The following RORA variants were observed in gnomAD, a reference collection of about 807,000 sequenced individuals.
The protein encoded by RORA is RAR related orphan receptor A, also known as nuclear receptor ROR-alpha.
In RORA, 7 loss-of-function variants were observed where a neutral mutation model predicts 69.5. The ratio of observed to expected loss-of-function variants is 0.10; its 90% confidence interval spans 0.06 to 0.19. RORA has a LOEUF of 0.19. Ranked by LOEUF, RORA falls within the 10% of genes least tolerant of loss-of-function variation. RORA has a pLI of 1.00. For missense variants in RORA, 457 were observed against 663.0 expected (o/e 0.69, Z 3.41); for synonymous variants, 261 against 240.8 (o/e 1.08, Z -0.78).
chr15:60,666,178 T>C (rs904478830), intron 2 of RORA, among the ~76,000 whole-genome samples: 1 of 151,512 alleles, frequency 6.6e-6, no homozygotes, highest in African/African-American at 2.4e-5. Context: ...TTTTTTTTTT[T>C]TTTTTTTGAA....
At chr15:60,861,610 T>C (rs1054061224) in intron 1 of RORA, among the ~76,000 whole-genome samples, 3 of 152,206 alleles carry the variant, frequency 2.0e-5, no homozygotes, top group African/African-American at 7.2e-5. Context: ...TGCCTTAGCC[T>C]CACGAGTACC....
chr15:61,138,314 TA>T (rs1293570845), intron 1 of RORA, among the ~76,000 whole-genome samples: 3 of 152,108 alleles, frequency 2.0e-5, no homozygotes, highest in Non-Finnish European at 4.4e-5. Context: ...AAGAAGTACT[TA>T]AAAAAAGTGA....
chr15:60,645,982 G>A (rs1299670564), intron 2 of RORA, among the ~76,000 whole-genome samples: 2 of 152,170 alleles, frequency 1.3e-5, no homozygotes, highest in African/African-American at 4.8e-5. Context: ...ATGTGAGCAT[G>A]AAAACACAAC....
chr15:61,163,179 G>A (rs1418377683), intron 1 of RORA, among the ~76,000 whole-genome samples: 1 of 152,070 alleles, frequency 6.6e-6, no homozygotes, highest in Admixed American at 6.6e-5. Flanking sequence ...ATCTGTGTGT[G>A]GATACATTTG....
chr15:60,827,970 T>C (rs147074855), intron 1 of RORA, among the ~76,000 whole-genome samples: 87 of 152,302 alleles, frequency 5.7e-4, no homozygotes, highest in African/African-American at 2.0e-3. Flanking sequence ...GGTGCTCAAT[T>C]AGTACTGGAT....
At chr15:60,612,749 A>G (rs1225722736) in intron 2 of RORA, among the ~76,000 whole-genome samples, 1 of 137,128 alleles carries the variant, frequency 7.3e-6, no homozygotes, top group African/African-American at 2.7e-5. Context: ...AAATTAGTTT[A>G]TATTTTAAGG....
intron 1 of RORA, among the ~76,000 whole-genome samples, chr15:60,769,758 T>A (rs1428546617): frequency 6.6e-6 from 1 of 152,200 alleles, no homozygotes; most frequent in Non-Finnish European, 1.5e-5. Flanking sequence ...TCCTGAATGT[T>A]CTCTGACCAG....
chr15:61,097,929 A>G (rs2078815062), intron 1 of RORA, among the ~76,000 whole-genome samples: 1 of 152,224 alleles, frequency 6.6e-6, no homozygotes, highest in Admixed American at 6.5e-5. Flanking sequence ...TCTTCTCAGT[A>G]GTCAGAGTCA....
intron 3 of RORA, among the ~76,000 whole-genome samples, chr15:60,523,588 C>A (rs533345934): frequency 6.6e-6 from 1 of 152,180 alleles, no homozygotes. Flanking sequence ...CTCTCCATCA[C>A]GTTGTTTCAA....
rs372353847 is a variant in RORA, at chr15:60,684,097, C to CT, written c.167-5412dup. Among the ~76,000 whole-genome samples the CT allele has an allele frequency of 2.4e-4, 35 of 146,940 alleles. 1 individual carries two copies. The highest frequency in any genetic ancestry group is 4.7e-4 in the African/African-American group (19 of 40,142). ...TATCCAGTTAATTTTACTTTTTTTT[C>CT]TTTTTTTTTTAGTAAGAGGTGGCAT... On this transcript the variant is annotated intron_variant, in intron 1 of 10. Coordinates refer to ENST00000335670, the MANE Select transcript of RORA (RefSeq NM_134261.3).
chr15:61,180,762 A>C (rs929442767), intron 1 of RORA, among the ~76,000 whole-genome samples: 3 of 152,146 alleles, frequency 2.0e-5, no homozygotes, highest in Non-Finnish European at 4.4e-5. Flanking sequence ...TTTGAGTTCC[A>C]GCACCTAGCA....
chr15:60,850,308 C>T (rs976820175), intron 1 of RORA, among the ~76,000 whole-genome samples: 4 of 152,152 alleles, frequency 2.6e-5, no homozygotes, highest in African/African-American at 9.7e-5. Flanking sequence ...TGAAATTCCC[C>T]TCCTCATCCA....
rs570576831 is a variant in RORA, at chr15:61,000,497, A to G, written c.166+228556T>C. Among the ~76,000 whole-genome samples, 115 of 152,230 alleles carry G rather than the reference A, an allele frequency of 7.6e-4. 1 individual carries two copies. The highest frequency in any genetic ancestry group is 2.7e-3 in the African/African-American group (111 of 41,542). ...GGATCACAGGTTCAAAGGCAAGGAG[A>G]TCCTTGTCCAGGGAGCATGCCTGGG... On this transcript the variant is annotated intron_variant, in intron 1 of 10. Transcript: ENST00000335670.
chr15:61,225,873 C>T (rs1477250874), intron 1 of RORA, among the ~76,000 whole-genome samples: 1 of 152,150 alleles, frequency 6.6e-6, no homozygotes, highest in East Asian at 1.9e-4. Flanking sequence ...TTGTCGCTTC[C>T]TGCCTTTCTT....
Position 60,491,032 on chromosome 15 carries a change from G to A in RORA, c.*6423C>T, listed in dbSNP as rs938052480. The A allele has an allele frequency of 3.3e-5, 5 of 152,164 alleles. No homozygotes were observed. The highest frequency in any genetic ancestry group is 7.4e-5 in the Non-Finnish European group (5 of 68,022). 9.4% of individuals were successfully genotyped at this position (152,164 alleles called of 1,614,324 possible). A position where few individuals can be genotyped will look rare whatever the true frequency, so the allele number is the denominator to read the frequency against. ...AGAAGCAGCCAGCTAATGTCCTAATGTTTAAAAATTTACCACTGTTTAATA... is the reference window on the plus strand; with the variant it reads ...AGAAGCAGCCAGCTAATGTCCTAATATTTAAAAATTTACCACTGTTTAATA... On this transcript the variant is annotated 3_prime_UTR_variant, in exon 11 of 11. Transcript: ENST00000335670.
chr15:60,612,685 T>TC (rs1450421139), intron 2 of RORA, among the ~76,000 whole-genome samples: 2 of 119,576 alleles, frequency 1.7e-5, no homozygotes, highest in Non-Finnish European at 3.5e-5. Context: ...TTTTTTTTTT[T>TC]CTCTCTCTCT....
chr15:61,131,035 A>G lies in RORA; in HGVS notation c.166+98018T>C, dbSNP rs191465132. Among the ~76,000 whole-genome samples, 2 of 152,294 alleles carry G rather than the reference A, an allele frequency of 1.3e-5. No individual in the cohort carries two copies. The highest frequency in any genetic ancestry group is 2.4e-5 in the African/African-American group (1 of 41,544). ...ATATGCATATAAATAACTTCAGTAC[A>G]CGTGTACAGTTCAGACGATGCACCT... On this transcript the variant is annotated intron_variant, in intron 1 of 10. Transcript: ENST00000335670. The surrounding 1 kb of genome is among the most constrained non-coding windows in gnomAD (Gnocchi z 4.2).
chr15:60,614,975 T>C lies in RORA; in HGVS notation c.196+63682A>G, dbSNP rs564220084. 5 of 1,614,124 alleles carry C rather than the reference T, an allele frequency of 3.1e-6. No homozygotes were observed. In the Admixed American group the frequency reaches 8.3e-5, roughly 27 times the overall value. ...TTGGCTGTGGCTCCATCCCAGTTTA[T>C]GTGCTCAAGTTGAGACCAGAACAGC... On this transcript the variant is annotated intron_variant, in intron 2 of 10. Coordinates refer to ENST00000335670, the MANE Select transcript of RORA (RefSeq NM_134261.3).
intron 1 of RORA, among the ~76,000 whole-genome samples, chr15:61,126,296 A>G (rs1596010690): frequency 6.6e-6 from 1 of 152,256 alleles, no homozygotes; most frequent in Non-Finnish European, 1.5e-5. Context: ...ATTTTGATAT[A>G]TGTACACATG....
Sources: gnomAD v4.1 joint callset for allele counts (sites outside exome capture counted in the v4.1 genomes callset) on GRCh38, gnomAD v4.1.1 for gene constraint, Gnocchi (gnomAD v3.1) non-coding constraint, MANE v1.5 for transcripts, NCBI Gene and HGNC (gene_info 2026-07-23, HGNC 2026-07-21) for gene names.